GRID2: variants seen among roughly 807,000 people sequenced by gnomAD.
GRID2 encodes the protein glutamate ionotropic receptor delta type subunit 2.
GRID2 carries 33 observed loss-of-function variants against 114.8 expected under a neutral mutation model. The ratio of observed to expected loss-of-function variants is 0.29; its 90% confidence interval spans 0.22 to 0.38. The LOEUF is 0.38. Among genes scored for constraint, GRID2 ranks in the 10% least tolerant of loss-of-function variants. GRID2 has a pLI of 1.00. For missense variants in GRID2, 1,184 were observed against 1,257.7 expected (o/e 0.94, Z 0.89); for synonymous variants, 505 against 449.9 (o/e 1.12, Z -1.55).
chr4:93,728,363 A>C (rs1219205919), intron 14 of GRID2, among the ~76,000 whole-genome samples: 1 of 151,862 alleles, frequency 6.6e-6, no homozygotes, highest in African/African-American at 2.4e-5. Context: ...GTTTGTTATA[A>C]TTTCTGTTCT....
At position 92,652,829 on chromosome 4, in the gene GRID2, A is replaced by C. The variant is rs1289788409; in HGVS notation, c.244+62543A>C. 2.9e-5 allele frequency among the ~76,000 whole-genome samples: 4 copies of C among 139,458 alleles called. 1 individual carries two copies. Among genetic ancestry groups the C allele is most frequent in the Non-Finnish European group, 6.2e-5 (4 of 64,490 alleles). The allele number at this position is 139,458 out of a possible 152,430, so 91.5% of individuals were successfully genotyped here. ...AAAATATATATATATATATAAATAT[A>C]TATAAATTTATAAATATATATATAA... On this transcript the variant is annotated intron_variant, in intron 2 of 15. Transcript: ENST00000282020.
chr4:92,981,639 T>C (rs1754220772), intron 2 of GRID2, among the ~76,000 whole-genome samples: 1 of 151,722 alleles, frequency 6.6e-6, no homozygotes, highest in African/African-American at 2.4e-5. Flanking sequence ...ATACAGTGAG[T>C]TGAAGCTGGA....
At chr4:93,447,464 A>G (rs1431712237) in intron 10 of GRID2, among the ~76,000 whole-genome samples, 1 of 151,972 alleles carries the variant, frequency 6.6e-6, no homozygotes, top group East Asian at 1.9e-4. Context: ...GCATAAATAA[A>G]AGTATCAAAA....
At chr4:92,797,713 A>G (rs996109955) in intron 2 of GRID2, among the ~76,000 whole-genome samples, 1 of 151,906 alleles carries the variant, frequency 6.6e-6, no homozygotes, top group Non-Finnish European at 1.5e-5. Flanking sequence ...TCTATGCTAC[A>G]TGGTTCATCT....
intron 1 of GRID2, among the ~76,000 whole-genome samples, chr4:92,581,757 A>G (rs1030597318): frequency 6.6e-6 from 1 of 152,226 alleles, no homozygotes; most frequent in Non-Finnish European, 1.5e-5. Flanking sequence ...TCAAAAATAT[A>G]TTGAAGAAAA....
intron 1 of GRID2, among the ~76,000 whole-genome samples, chr4:92,426,086 T>C (rs1410957336): frequency 6.6e-6 from 1 of 152,138 alleles, no homozygotes; most frequent in Non-Finnish European, 1.5e-5. Context: ...TACTTTATGA[T>C]TCAAACACAC....
chr4:92,862,539 A>G (rs754370378), intron 2 of GRID2, among the ~76,000 whole-genome samples: 5 of 152,046 alleles, frequency 3.3e-5, no homozygotes, highest in African/African-American at 1.2e-4. Flanking sequence ...AACTCAAAGT[A>G]AAAACAATAT....
At chr4:93,334,261 C>G (rs1291404548) in intron 8 of GRID2, among the ~76,000 whole-genome samples, 1 of 152,074 alleles carries the variant, frequency 6.6e-6, no homozygotes, top group African/African-American at 2.4e-5. Flanking sequence ...CCACAGCATG[C>G]AAATTATTAA....
chr4:92,855,191 A>G (rs975145318), intron 2 of GRID2, among the ~76,000 whole-genome samples: 18 of 152,004 alleles, frequency 1.2e-4, no homozygotes, highest in Non-Finnish European at 2.1e-4. Context: ...TGTCCTATTC[A>G]CTGTAGTGTA....
chr4:93,064,405 T>C lies in GRID2; in HGVS notation c.245-20590T>C, dbSNP rs1728084187. On this transcript the variant is annotated intron_variant, in intron 2 of 15. Transcript: ENST00000282020. ...TTATGAATTACAATAGAATTATAAT[T>C]TTAGAAATGTAAAATAAATTTATAA... 2.0e-5 allele frequency among the ~76,000 whole-genome samples: 3 copies of C among 151,824 alleles called. No individual in the cohort carries two copies. The Admixed American group carries it at 2.0e-4, about 10-fold the overall frequency.
intron 1 of GRID2, among the ~76,000 whole-genome samples, chr4:92,350,529 CT>C (rs1283092962): frequency 6.6e-6 from 1 of 151,686 alleles, no homozygotes; most frequent in Non-Finnish European, 1.5e-5. Flanking sequence ...TTGAATCTTG[CT>C]TGCCTATCTT....
chr4:93,182,438 A>G (rs951952072), intron 4 of GRID2, among the ~76,000 whole-genome samples: 1 of 152,174 alleles, frequency 6.6e-6, no homozygotes, highest in Non-Finnish European at 1.5e-5. Context: ...AGACTGCATT[A>G]TCAATTCAAA....
At chr4:93,554,126 A>G (rs1002061370) in intron 13 of GRID2, among the ~76,000 whole-genome samples, 3 of 152,162 alleles carry the variant, frequency 2.0e-5, no homozygotes, top group African/African-American at 7.2e-5. Flanking sequence ...TTGGTCTACT[A>G]TTAGTATGTT....
At chr4:93,075,827 T>C (rs916179433) in intron 2 of GRID2, among the ~76,000 whole-genome samples, 1 of 151,216 alleles carries the variant, frequency 6.6e-6, no homozygotes, top group Admixed American at 6.6e-5. Flanking sequence ...TGAAGTTATG[T>C]ATAATGCTTA....
chr4:92,652,065 C>T (rs941425986), intron 2 of GRID2, among the ~76,000 whole-genome samples: 4 of 152,058 alleles, frequency 2.6e-5, no homozygotes, highest in Non-Finnish European at 4.4e-5. Flanking sequence ...CAATCACATA[C>T]GTACCATTTC....
At chr4:92,526,242 T>C (rs1725035402) in intron 1 of GRID2, among the ~76,000 whole-genome samples, 1 of 152,170 alleles carries the variant, frequency 6.6e-6, no homozygotes, top group African/African-American at 2.4e-5. Context: ...AGTGCTATAA[T>C]GATAGTAAAT....
rs567422584 is a variant in GRID2, at chr4:93,089,454, T to C, written c.529+4175T>C. 5.9e-5 allele frequency among the ~76,000 whole-genome samples: 9 copies of C among 152,290 alleles called. No homozygotes were observed. The South Asian group carries it at 1.9e-3, about 32-fold the overall frequency. ...CTCCTTGTGGGCAAAAGTAGAAATATTGCAACCTCAAATAAATCATTTTTT... is the reference window on the plus strand; with the variant it reads ...CTCCTTGTGGGCAAAAGTAGAAATACTGCAACCTCAAATAAATCATTTTTT... On this transcript the variant is annotated intron_variant, in intron 3 of 15. Transcript: ENST00000282020.
At chr4:92,311,739 C>T (rs919925731) in intron 1 of GRID2, among the ~76,000 whole-genome samples, 1 of 151,722 alleles carries the variant, frequency 6.6e-6, no homozygotes, top group Non-Finnish European at 1.5e-5. Context: ...GTAATATAAG[C>T]ATTACTACCA....
intron 13 of GRID2, among the ~76,000 whole-genome samples, chr4:93,534,527 T>A (rs1731832786): frequency 6.6e-6 from 1 of 152,076 alleles, no homozygotes; most frequent in African/African-American, 2.4e-5. Flanking sequence ...GGGCAAGAAT[T>A]TTTGCCTTTT....
Sources: gnomAD v4.1 joint callset for allele counts (sites outside exome capture counted in the v4.1 genomes callset) on GRCh38, gnomAD v4.1.1 for gene constraint, MANE v1.5 for transcripts, NCBI Gene and HGNC (gene_info 2026-07-23, HGNC 2026-07-21) for gene names.